Variants in TMEM132B observed in about 807,000 individuals in gnomAD.
TMEM132B encodes the protein transmembrane protein 132B.
TMEM132B carries 18 observed loss-of-function variants against 90.8 expected under a neutral mutation model. The ratio of observed to expected loss-of-function variants is 0.20; its 90% CI spans 0.14 to 0.29. TMEM132B has a LOEUF of 0.29. Among genes scored for constraint, TMEM132B ranks in the 10% least tolerant of loss-of-function variants. The pLI is 1.00. For synonymous variants in TMEM132B, 504 were observed against 523.3 expected (o/e 0.96, Z 0.50); for missense variants, 1,096 against 1,326.8 (o/e 0.83, Z 2.70).
chr12:125,554,738 T>A (rs1404748904), intron 4 of TMEM132B, among the ~76,000 whole-genome samples: 1 of 152,232 alleles, frequency 6.6e-6, no homozygotes, highest in Non-Finnish European at 1.5e-5. Context: ...CACATTCTCT[T>A]GGTTGCATGT....
At chr12:125,431,945 C>T (rs569166468) in intron 3 of TMEM132B, among the ~76,000 whole-genome samples, 1 of 152,138 alleles carries the variant, frequency 6.6e-6, no homozygotes, top group African/African-American at 2.4e-5. Context: ...ACTGCAGTGT[C>T]CACTTCCTTT....
intron 1 of TMEM132B, among the ~76,000 whole-genome samples, chr12:125,260,883 T>C (rs575703464): frequency 2.6e-5 from 4 of 152,096 alleles, no homozygotes; most frequent in Middle Eastern, 3.4e-3. Flanking sequence ...ACCACTGCAC[T>C]GCAGCCTGGG....
intron 3 of TMEM132B, among the ~76,000 whole-genome samples, chr12:125,469,611 G>T (rs1881657396): frequency 6.6e-6 from 1 of 152,194 alleles, no homozygotes; most frequent in Non-Finnish European, 1.5e-5. Context: ...AGGCAGGGAA[G>T]AGTCTCCACT....
intron 1 of TMEM132B, among the ~76,000 whole-genome samples, chr12:125,288,428 A>T (rs1875428902): frequency 7.2e-6 from 1 of 138,256 alleles, no homozygotes; most frequent in Admixed American, 8.3e-5. Context: ...GCGCCACTGC[A>T]CTCCAGCCTG....
chr12:125,451,352 C>T (rs1231952759), intron 3 of TMEM132B, among the ~76,000 whole-genome samples: 2 of 151,696 alleles, frequency 1.3e-5, no homozygotes, highest in African/African-American at 4.8e-5. Flanking sequence ...AGAAAAAGTA[C>T]AAAAAGTGTA....
Position 125,429,193 on chromosome 12 carries a change from G to A in TMEM132B, c.1106+13516G>A, listed in dbSNP as rs116690773. Among the ~76,000 whole-genome samples, 1,252 of 150,522 alleles carry A rather than the reference G, an allele frequency of 8.3e-3. 16 individuals carry two copies. Among genetic ancestry groups the A allele is most frequent in the African/African-American group, 0.028 (1,140 of 40,878 alleles). ...TTCAAATTTCCTTAATTTTTTCCTA[G>A]TGTCCTCTTTCTTTTTTTTTTTTCA... On this transcript the variant is annotated intron_variant, in intron 3 of 8. Coordinates refer to ENST00000682704, the MANE Select transcript of TMEM132B (RefSeq NM_001366854.1).
intron 4 of TMEM132B, among the ~76,000 whole-genome samples, chr12:125,541,940 G>A (rs1006123659): frequency 2.0e-5 from 3 of 150,574 alleles, no homozygotes; most frequent in Non-Finnish European, 4.4e-5. Context: ...CAGGAGAATG[G>A]CGTGAACCCG....
In TMEM132B at chr12:125,251,775, C is replaced by A. The variant is rs1466913637; in HGVS notation, c.67+64909C>A. Among the ~76,000 whole-genome samples, 1 of 152,128 alleles carries A rather than the reference C, an allele frequency of 6.6e-6. No individual in the cohort carries two copies. On this transcript the variant is annotated intron_variant, in intron 1 of 8. Coordinates refer to ENST00000682704, the MANE Select transcript of TMEM132B (RefSeq NM_001366854.1). This position sits in a 1 kb window ranked among gnomAD's most constrained non-coding sequence, Gnocchi z 4.4. ...GCCCAGTGTTGCCAGAGCTGATTTT[C>A]CTAGAAAGGCCATTCGTTTGGATTT...
At chr12:125,236,978 G>A (rs1386288793) in intron 1 of TMEM132B, among the ~76,000 whole-genome samples, 3 of 152,240 alleles carry the variant, frequency 2.0e-5, no homozygotes, top group Admixed American at 1.3e-4. Context: ...GCACAGGTGT[G>A]TGAGTGAGTG....
At chr12:125,645,232 A>AAG (rs1203984555) in intron 6 of TMEM132B, among the ~76,000 whole-genome samples, 2 of 151,736 alleles carry the variant, frequency 1.3e-5, no homozygotes, top group Non-Finnish European at 2.9e-5. Flanking sequence ...AAAAAAAAAA[A>AAG]AAAAAAAAAG....
intron 3 of TMEM132B, among the ~76,000 whole-genome samples, chr12:125,494,209 G>T (rs183050956): frequency 1.4e-5 from 1 of 70,490 alleles, no homozygotes; most frequent in Non-Finnish European, 2.7e-5. Flanking sequence ...AAATGGATGC[G>T]TCCCCTCCTC....
At chr12:125,191,868 TG>T (rs1282136859) in intron 1 of TMEM132B, among the ~76,000 whole-genome samples, 3 of 152,150 alleles carry the variant, frequency 2.0e-5, no homozygotes, top group Non-Finnish European at 4.4e-5. Flanking sequence ...ATCTGTAAAA[TG>T]GGCCCCAAAA....
intron 5 of TMEM132B, among the ~76,000 whole-genome samples, chr12:125,616,392 A>G (rs968729023): frequency 1.3e-5 from 2 of 152,122 alleles, no homozygotes; most frequent in African/African-American, 4.8e-5. Context: ...GCAGAAGAGG[A>G]AGCCTGGCTG....
intron 1 of TMEM132B, among the ~76,000 whole-genome samples, chr12:125,342,209 G>T (rs1158227007): frequency 1.3e-5 from 2 of 152,110 alleles, no homozygotes; most frequent in African/African-American, 2.4e-5. Context: ...TCTGGACCAA[G>T]AAGGAATTAT....
intron 3 of TMEM132B, among the ~76,000 whole-genome samples, chr12:125,433,523 CTTT>C (rs146762776): frequency 6.9e-6 from 1 of 144,156 alleles, no homozygotes; most frequent in Non-Finnish European, 1.5e-5. Context: ...TTTTTTTTGT[CTTT>C]TTTTTTATTA....
chr12:125,368,568 C>A (rs892987818), intron 2 of TMEM132B, among the ~76,000 whole-genome samples: 3 of 152,030 alleles, frequency 2.0e-5, no homozygotes, highest in Admixed American at 6.6e-5. Flanking sequence ...TGGATTTGCC[C>A]AGTGGGAGGC....
At chr12:125,538,957 A>C (rs1418389845) in intron 4 of TMEM132B, among the ~76,000 whole-genome samples, 1 of 151,558 alleles carries the variant, frequency 6.6e-6, no homozygotes, top group Non-Finnish European at 1.5e-5. Context: ...TCAACCATTC[A>C]CTCCGTCTCC....
intron 4 of TMEM132B, among the ~76,000 whole-genome samples, chr12:125,565,121 A>T (rs1884629279): frequency 6.6e-6 from 1 of 152,202 alleles, no homozygotes; most frequent in African/African-American, 2.4e-5. Context: ...ATCACCCTCT[A>T]CAGATAAAGA....
chr12:125,210,744 G>A lies in TMEM132B; in HGVS notation c.67+23878G>A, dbSNP rs188251765. Among the ~76,000 whole-genome samples, 5 of 152,278 alleles carry A rather than the reference G, an allele frequency of 3.3e-5. No individual in the cohort carries two copies. The East Asian group carries it at 7.7e-4, about 24-fold the overall frequency. On this transcript the variant is annotated intron_variant, in intron 1 of 8. Coordinates refer to ENST00000682704, the MANE Select transcript of TMEM132B (RefSeq NM_001366854.1). ...TTTGGGAGGCCGAGGTGGGCAGATC[G>A]CTTGAGTCCAGGAGTTTGAGGCCAG...
Sources: gnomAD v4.1 joint callset for allele counts (sites outside exome capture counted in the v4.1 genomes callset) on GRCh38, gnomAD v4.1.1 for gene constraint, Gnocchi (gnomAD v3.1) non-coding constraint, MANE v1.5 for transcripts, NCBI Gene and HGNC (gene_info 2026-07-23, HGNC 2026-07-21) for gene names.